Variants in GAL observed in about 807,000 individuals in gnomAD.
GAL encodes galanin peptides.
A neutral mutation model predicts 15.8 loss-of-function variants in GAL; 14 were observed. That is an observed-to-expected ratio of 0.89 (90% CI 0.59 to 1.39). GAL has a LOEUF of 1.39. Ranked by LOEUF, GAL falls within the 40% of genes most tolerant of loss-of-function variation. GAL has a pLI of 0.00. For missense variants in GAL, 176 were observed against 170.4 expected (o/e 1.03, Z -0.18); for synonymous variants, 79 against 73.8 (o/e 1.07, Z -0.36).
At chr11:68,684,885 TCCGGGTTCCGACCCGC>T in intron 1 of GAL, 23 bp from the exon 2 acceptor site, 1 of 1,356,496 alleles carries the variant, frequency 7.4e-7, no homozygotes, top group Non-Finnish European at 1.0e-6. Context: ...CGCAGCCCAC[TCCGGGTTCCGACCCGC>T]CCGCCCTGTC....
rs536001073 is a variant in GAL at position 68,687,766 on chromosome 11, C to T, written c.137-248C>T. 5.3e-5 allele frequency among the ~76,000 whole-genome samples: 8 copies of T among 152,278 alleles called. No individual in the cohort carries two copies. In the South Asian group the frequency reaches 1.7e-3, roughly 32 times the overall value. On this transcript the variant is annotated intron_variant, in intron 3 of 5. Coordinates refer to ENST00000265643, the MANE Select transcript of GAL (RefSeq NM_015973.5). The stretch of plus-strand genomic sequence containing the variant: ...CCTCTCCCCCACTTCAGGAGCCACA[C>T]CTCCCTTTCTCCCACCCACCCTGTG...
intron 3 of GAL, 110 bp from the exon 4 acceptor site, chr11:68,687,904 C>T (rs910539833): frequency 8.2e-5 from 57 of 696,156 alleles, no homozygotes; most frequent in East Asian, 7.0e-4. Flanking sequence ...ATTTCACAGT[C>T]GAGTTGCGTG....
intron 3 of GAL, among the ~76,000 whole-genome samples, chr11:68,687,596 A>G (rs1356863854): frequency 6.6e-6 from 1 of 152,134 alleles, no homozygotes; most frequent in Non-Finnish European, 1.5e-5. Flanking sequence ...TAAACTCTTC[A>G]GCGTCCCCCA....
chr11:68,689,279 T>C (rs1945883818), intron 5 of GAL, among the ~76,000 whole-genome samples: 1 of 152,242 alleles, frequency 6.6e-6, no homozygotes, highest in Non-Finnish European at 1.5e-5. Context: ...GGCCAAGTTC[T>C]TTGTGAACCG....
chr11:68,687,410 G>A (rs756842748), intron 3 of GAL, among the ~76,000 whole-genome samples: 14 of 151,658 alleles, frequency 9.2e-5, no homozygotes, highest in Non-Finnish European at 1.6e-4. Flanking sequence ...TTCGCACCAC[G>A]AAACACACCC....
At chr11:68,685,729 T>G in intron 3 of GAL, 81 bp downstream of exon 3, 2 of 967,984 alleles carry the variant, frequency 2.1e-6, no homozygotes, top group Middle Eastern at 2.1e-4. Context: ...CCCCTCCGCC[T>G]GCGGCTGGGC....
intron 1 of GAL, 89 bp downstream of exon 1, chr11:68,684,821 G>C (rs1945833582): frequency 1.4e-6 from 1 of 692,148 alleles, no homozygotes; most frequent in Admixed American, 2.3e-5. Flanking sequence ...CAGGGCCCTG[G>C]CCCGGCCGCC....
In GAL at chr11:68,684,576, C is replaced by A. The variant is rs1327097387; in HGVS notation, c.-157C>A. On this transcript the variant is annotated 5_prime_UTR_variant, in exon 1 of 6. Transcript: ENST00000265643. ...GCGGCGGACACGTGGAGGGACCCGG[C>A]CCGCGCCTTCTGCCCCTGCTGCCGG... The A allele has an allele frequency of 2.0e-5, 4 of 199,254 alleles. No homozygotes were observed. Among genetic ancestry groups the A allele is most frequent in the Non-Finnish European group, 3.0e-5 (3 of 99,172 alleles). 12.3% of individuals were successfully genotyped at this position (199,254 alleles called of 1,614,324 possible).
chr11:68,685,648 C>T lies in GAL; in HGVS notation c.136C>T (p.His46Tyr). Reference sequence around the variant, plus strand: ...CAGCGCGGGCTACCTGCTGGGCCCACGTAAGTGACTGACAGCATGGCCTCC... The same window carrying T: ...CAGCGCGGGCTACCTGCTGGGCCCATGTAAGTGACTGACAGCATGGCCTCC... ...LNSAGYLLGP[H>Y]AVGNHRSFSD... The change falls in exon 3 of 6, where the codon CAT (histidine) becomes TAT (tyrosine). Residue 46 changes from histidine to tyrosine, a missense_variant and splice_region_variant. By Grantham distance (83) the His-to-Tyr change is moderately conservative. Transcript: ENST00000265643. 1.9e-6 allele frequency: 3 copies of T among 1,610,202 alleles called. No homozygotes were observed. The highest frequency in any genetic ancestry group is 1.1e-5 in the South Asian group (1 of 90,944).
chr11:68,688,814 G>A lies in GAL; in HGVS notation c.224-35G>A, dbSNP rs551715105. The stretch of plus-strand genomic sequence containing the variant: ...GACCTGAGACACTGAAGCACCCTCT[G>A]CACAAGTCGTGAATGTTGATCTTTT... On this transcript the variant is annotated intron_variant, in intron 4 of 5. Transcript: ENST00000265643. The A allele has an allele frequency of 1.9e-5, 20 of 1,062,506 alleles. No homozygotes were observed. The South Asian group carries it at 2.4e-4, about 13-fold the overall frequency. The allele number at this position is 1,062,506 out of a possible 1,614,324, so 65.8% of individuals were successfully genotyped here.
intron 3 of GAL, among the ~76,000 whole-genome samples, chr11:68,687,633 T>G (rs903683870): frequency 1.3e-5 from 2 of 152,156 alleles, no homozygotes; most frequent in Non-Finnish European, 2.9e-5. Context: ...AGGACCCAGC[T>G]CCTGTTGTCT....
At chr11:68,687,762 C>T (rs1945867284) in intron 3 of GAL, among the ~76,000 whole-genome samples, 1 of 152,152 alleles carries the variant, frequency 6.6e-6, no homozygotes, top group Admixed American at 6.5e-5. Context: ...CTTCAGGAGC[C>T]ACACCTCCCT....
intron 2 of GAL, 127 bp downstream of exon 2, chr11:68,685,131 G>T (rs908695153): frequency 1.2e-5 from 8 of 650,678 alleles, no homozygotes; most frequent in African/African-American, 1.8e-5. Context: ...AAAGGCGGGC[G>T]CTGTCCTGGC....
chr11:68,687,966 G>A lies in GAL; in HGVS notation c.137-48G>A, dbSNP rs1481047717. 6.0e-6 allele frequency: 7 copies of A among 1,176,156 alleles called. No homozygotes were observed. In the East Asian group the frequency reaches 7.0e-5, roughly 12 times the overall value. 72.9% of individuals were successfully genotyped at this position (1,176,156 alleles called of 1,614,324 possible). On this transcript the variant is annotated intron_variant, in intron 3 of 5. Coordinates refer to ENST00000265643, the MANE Select transcript of GAL (RefSeq NM_015973.5). ...GTCCTTCTTTGGGTGTGGGGAGGGC[G>A]TGCATGACAGTCACACCCAGAGGCT...
At position 68,690,784 on chromosome 11, in the gene GAL, T is replaced by C. The variant is rs1373521604; in HGVS notation, c.302-133T>C. 5.3e-5 allele frequency: 36 copies of C among 675,538 alleles called. No homozygotes were observed. In the East Asian group the frequency reaches 9.5e-4, roughly 18 times the overall value. 41.8% of individuals were successfully genotyped at this position (675,538 alleles called of 1,614,324 possible). A position where few individuals can be genotyped will look rare whatever the true frequency, so the allele number is the denominator to read the frequency against. On this transcript the variant is annotated intron_variant, in intron 5 of 5. Coordinates refer to ENST00000265643, the MANE Select transcript of GAL (RefSeq NM_015973.5). Reference sequence around the variant, plus strand: ...GAGGAATACAGAGTGTTGTCCCTGATTCTGGGTTTAATCTGGTAAGAATCT... The same window carrying C: ...GAGGAATACAGAGTGTTGTCCCTGACTCTGGGTTTAATCTGGTAAGAATCT...
At position 68,685,004 on chromosome 11, in the gene GAL, G is replaced by A. The variant is rs747717547; in HGVS notation, c.81G>A (p.Pro27=). The A allele has an allele frequency of 1.9e-5, 30 of 1,586,002 alleles. No individual in the cohort carries two copies. The highest frequency in any genetic ancestry group is 3.4e-4 in the Middle Eastern group (2 of 5,942). The change falls in exon 2 of 6, where the codon CCG becomes CCA. Residue 27 remains proline, a splice_region_variant and synonymous_variant. Coordinates refer to ENST00000265643, the MANE Select transcript of GAL (RefSeq NM_015973.5). ...CTGCCTCTGCGGGGCTCTGGTCGCC[G>A]GTAAGTGCGGGGCGCGTCTCCTCCG... ...ALSASAGLWS[P]AKEKRGWTLN...
chr11:68,688,672 A>T (rs1458700398), intron 4 of GAL, among the ~76,000 whole-genome samples, 177 bp from the exon 5 acceptor site: 1 of 152,032 alleles, frequency 6.6e-6, no homozygotes, highest in Non-Finnish European at 1.5e-5. Context: ...CTCGAACTGG[A>T]TATCTCCCCA....
chr11:68,686,979 G>A (rs948160117), intron 3 of GAL, among the ~76,000 whole-genome samples: 2 of 152,270 alleles, frequency 1.3e-5, no homozygotes, highest in African/African-American at 2.4e-5. Flanking sequence ...GTAGCTAGAC[G>A]AGTTGTTTGT....
intron 3 of GAL, among the ~76,000 whole-genome samples, chr11:68,687,478 T>C (rs1945864335): frequency 6.6e-6 from 1 of 151,780 alleles, no homozygotes; most frequent in Non-Finnish European, 1.5e-5. Context: ...CCTGTCTCCC[T>C]CTGTGACCCT....
Sources: gnomAD v4.1 joint callset for allele counts (sites outside exome capture counted in the v4.1 genomes callset) on GRCh38, gnomAD v4.1.1 for gene constraint, MANE v1.5 for transcripts, NCBI Gene and HGNC (gene_info 2026-07-23, HGNC 2026-07-21) for gene names.